NARS1: variants seen among roughly 807,000 people sequenced by gnomAD.
NARS1 encodes the protein asparaginyl-tRNA synthetase 1.
NARS1 carries 65 observed loss-of-function variants against 79.2 expected under a neutral mutation model. The ratio of observed to expected loss-of-function variants is 0.82; its 90% CI spans 0.67 to 1.01. NARS1 has a LOEUF of 1.01. NARS1 is among the 50% of genes least tolerant of loss of function. NARS1 has a pLI of 0.00. For missense variants in NARS1, 649 were observed against 673.8 expected (o/e 0.96, Z 0.41); for synonymous variants, 229 against 238.8 (o/e 0.96, Z 0.38).
Position 57,603,735 on chromosome 18 carries a change from T to C in NARS1, c.1252-792A>G, listed in dbSNP as rs538543086. On this transcript the variant is annotated intron_variant, in intron 11 of 13. Transcript: ENST00000256854. ...GGAGGTAGCAATCACCTAGCACACC[T>C]GTTTTCAAGCTCCAGGCTCTGGAGC... Among the ~76,000 whole-genome samples, 5 of 152,338 alleles carry C rather than the reference T, an allele frequency of 3.3e-5. 1 individual carries two copies. In the East Asian group the frequency reaches 9.6e-4, roughly 29 times the overall value.
Position 57,601,561 on chromosome 18 carries a change from A to G in NARS1, c.*91T>C. Reference sequence around the variant, plus strand: ...AAAACAGAAAGAGAAACCCCAATGAAACAAAAAAAGGAAGATTCTGGCTTT... The same window carrying G: ...AAAACAGAAAGAGAAACCCCAATGAGACAAAAAAAGGAAGATTCTGGCTTT... On this transcript the variant is annotated 3_prime_UTR_variant, in exon 14 of 14. Transcript: ENST00000256854. The G allele has an allele frequency of 7.4e-7, 1 of 1,343,854 alleles. No individual in the cohort carries two copies. The highest frequency in any genetic ancestry group is 1.0e-6 in the Non-Finnish European group (1 of 998,556). The allele number at this position is 1,343,854 out of a possible 1,614,324, so 83.2% of individuals were successfully genotyped here.
intron 2 of NARS1, among the ~76,000 whole-genome samples, chr18:57,620,151 C>T (rs1908239281): frequency 6.6e-6 from 1 of 152,164 alleles, no homozygotes; most frequent in African/African-American, 2.4e-5. Flanking sequence ...CAAATGAATC[C>T]ATTCTTGGTG....
intron 5 of NARS1, among the ~76,000 whole-genome samples, chr18:57,612,218 C>G (rs1323078468): frequency 1.3e-5 from 2 of 152,090 alleles, no homozygotes; most frequent in African/African-American, 4.8e-5. Flanking sequence ...TACATGATCC[C>G]CAAGATCCAC....
intron 7 of NARS1, among the ~76,000 whole-genome samples, chr18:57,608,856 G>A (rs1599034838): frequency 6.6e-6 from 1 of 152,218 alleles, no homozygotes; most frequent in East Asian, 1.9e-4. Flanking sequence ...CACCCTCAAT[G>A]TGGGTGGGCA....
intron 10 of NARS1, 124 bp downstream of exon 10, chr18:57,606,492 T>C (rs540951829): frequency 1.1e-6 from 1 of 918,254 alleles, no homozygotes; most frequent in East Asian, 2.5e-5. Context: ...ATTCTAGTCT[T>C]CAAAATAATT....
chr18:57,605,292 C>G (rs1159566792), intron 11 of NARS1, among the ~76,000 whole-genome samples: 1 of 151,854 alleles, frequency 6.6e-6, no homozygotes, highest in Non-Finnish European at 1.5e-5. Context: ...AGAGGCAAAG[C>G]ATGAGACATG....
chr18:57,611,118 C>T (rs969769608), intron 6 of NARS1, among the ~76,000 whole-genome samples: 1 of 151,790 alleles, frequency 6.6e-6, no homozygotes, highest in Non-Finnish European at 1.5e-5. Context: ...AGATATGCAC[C>T]ACCACACCTG....
Position 57,614,691 on chromosome 18 carries a change from C to G in NARS1, c.342+950G>C, listed in dbSNP as rs1238840299. Among the ~76,000 whole-genome samples, 6 of 152,222 alleles carry G rather than the reference C, an allele frequency of 3.9e-5. No homozygotes were observed. In the South Asian group the frequency reaches 1.2e-3, roughly 32 times the overall value. On this transcript the variant is annotated intron_variant, in intron 4 of 13. Transcript: ENST00000256854. ...GATTTCAACCTCTTCATTTTATAAG[C>G]AAACTGACACTAGAGAGGGTTAAAT...
At position 57,601,724 on chromosome 18, in the gene NARS1, C is replaced by A. The variant is rs375159897; in HGVS notation, c.1575G>T (p.Thr525=). The part of the protein sequence containing the change: ...GYGLGLERFL[T]WILNRYHIRD... ...GGATGTGATACCTATTCAGAATCCA[C>A]GTTAAGAATCGTTCCAAGCCCAAGC... Residue 525 remains threonine (T), a synonymous_variant, in exon 14 of 14, where the codon ACG becomes ACT. Transcript: ENST00000256854. The A allele has an allele frequency of 6.2e-7, 1 of 1,613,316 alleles. No homozygotes were observed. The highest frequency in any genetic ancestry group is 8.5e-7 in the Non-Finnish European group (1 of 1,179,342).
chr18:57,611,500 T>C, intron 6 of NARS1, 137 bp downstream of exon 6: 1 of 562,976 alleles, frequency 1.8e-6, no homozygotes, highest in Non-Finnish European at 3.0e-6. Flanking sequence ...TGCATGTTTA[T>C]GGTATACAAT....
At chr18:57,609,516 G>A in intron 6 of NARS1, 73 bp from the exon 7 acceptor site, 2 of 1,246,782 alleles carry the variant, frequency 1.6e-6, no homozygotes, top group Non-Finnish European at 2.3e-6. Flanking sequence ...AAAGTTAAAG[G>A]GATTGTTTAC....
At chr18:57,602,239 T>C in intron 13 of NARS1, 116 bp downstream of exon 13, 1 of 951,398 alleles carries the variant, frequency 1.1e-6, no homozygotes, top group Non-Finnish European at 1.6e-6. Context: ...GCAAACTGAA[T>C]ATAGCTCATT....
In NARS1 at chr18:57,602,415, T is replaced by C. The variant is rs1433733232; in HGVS notation, c.1455A>G (p.Ile485Met). ...GSMRIFDSEE[I>M]LAGYKREGID... is the part of the protein sequence containing the mutation. The stretch of plus-strand genomic sequence containing the variant: ...TCCCTTCCCTTTTATAACCTGCCAG[T>C]ATTTCTTCACTATCAAAGATACGCA... Residue 485 changes from isoleucine to methionine, a missense_variant, in exon 13 of 14, where the codon ATA (isoleucine) becomes ATG (methionine). Coordinates refer to ENST00000256854, the MANE Select transcript of NARS1 (RefSeq NM_004539.4). 1 of 1,613,964 alleles carries C rather than the reference T, an allele frequency of 6.2e-7. No homozygotes were observed. The highest frequency in any genetic ancestry group is 2.2e-5 in the East Asian group (1 of 44,866).
intron 2 of NARS1, among the ~76,000 whole-genome samples, chr18:57,618,150 T>A (rs1908137096): frequency 6.7e-6 from 1 of 149,228 alleles, no homozygotes. Flanking sequence ...TAGCCAGGCA[T>A]GGTGGCGAGT....
chr18:57,602,650 G>A (rs972376690), intron 12 of NARS1, 162 bp downstream of exon 12: 1 of 1,196,950 alleles, frequency 8.4e-7, no homozygotes, highest in South Asian at 1.6e-5. Context: ...AACAAAGCAT[G>A]TCAACTTCAA....
Position 57,621,798 on chromosome 18 carries a change from T to C in NARS1, c.-81A>G, listed in dbSNP as rs369353617. 2.3e-4 allele frequency: 371 copies of C among 1,603,228 alleles called. 2 individuals are homozygous for C. In the East Asian group the frequency reaches 6.6e-3, roughly 28 times the overall value. On this transcript the variant is annotated 5_prime_UTR_variant, in exon 1 of 14. Transcript: ENST00000256854. Reference sequence around the variant, plus strand: ...TTATGACTCCAACGTGCACCGGCGGTTTCCGCGATTCCGGCGTTGCATCAG... The same window carrying C: ...TTATGACTCCAACGTGCACCGGCGGCTTCCGCGATTCCGGCGTTGCATCAG...
At chr18:57,604,514 A>C (rs890346741) in intron 11 of NARS1, among the ~76,000 whole-genome samples, 5 of 152,262 alleles carry the variant, frequency 3.3e-5, no homozygotes, top group Non-Finnish European at 5.9e-5. Flanking sequence ...GCATCTACAC[A>C]CATTTCAACT....
chr18:57,603,865 G>A (rs1321328765), intron 11 of NARS1, among the ~76,000 whole-genome samples: 2 of 152,122 alleles, frequency 1.3e-5, no homozygotes, highest in Non-Finnish European at 2.9e-5. Context: ...ATAAGATTTA[G>A]TTAGGGGAAA....
intron 9 of NARS1, 136 bp downstream of exon 9, chr18:57,606,998 T>C (rs1046196208): frequency 6.6e-5 from 69 of 1,051,708 alleles, no homozygotes; most frequent in Admixed American, 2.0e-4. Flanking sequence ...GGCAAAACTT[T>C]GTTATATGTT....
Sources: gnomAD v4.1 joint callset for allele counts (sites outside exome capture counted in the v4.1 genomes callset) on GRCh38, gnomAD v4.1.1 for gene constraint, MANE v1.5 for transcripts, NCBI Gene and HGNC (gene_info 2026-07-23, HGNC 2026-07-21) for gene names.